Variants in POM121 observed in about 807,000 individuals in gnomAD.
POM121 encodes POM121 transmembrane nucleoporin.
Under a neutral mutation model 81.3 loss-of-function variants are expected in POM121, and 32 were observed. The ratio of observed to expected loss-of-function variants is 0.39; its 90% CI spans 0.30 to 0.53. POM121 has a LOEUF of 0.53. POM121 is among the 20% of genes least tolerant of loss of function. The pLI is 0.66. For missense variants in POM121, 1,138 were observed against 1,614.6 expected (o/e 0.70, Z 5.06); for synonymous variants, 514 against 694.2 (o/e 0.74, Z 4.08).
chr7:72,906,817 G>T (rs1793286917), intron 3 of POM121, among the ~76,000 whole-genome samples: 1 of 150,726 alleles, frequency 6.6e-6, no homozygotes, highest in South Asian at 2.1e-4. Context: ...TTGTAGAGAT[G>T]GGGTCTCACT....
At chr7:72,890,231 C>G (rs1287934872) in intron 1 of POM121, among the ~76,000 whole-genome samples, 1 of 152,216 alleles carries the variant, frequency 6.6e-6, no homozygotes, top group African/African-American at 2.4e-5. Context: ...GTGGTGGGCA[C>G]TCCAACATGA....
chr7:72,926,543 C>T, intron 2 of POM121, 66 bp downstream of exon 2: 3 of 1,602,408 alleles, frequency 1.9e-6, no homozygotes, highest in South Asian at 2.2e-5. Flanking sequence ...CCAGTTGTTC[C>T]TATGACATGA....
chr7:72,912,988 C>T (rs1164781412), intron 3 of POM121, among the ~76,000 whole-genome samples: 2 of 152,142 alleles, frequency 1.3e-5, no homozygotes, highest in Non-Finnish European at 2.9e-5. Flanking sequence ...ATCATCAGGT[C>T]CCTACTTAAC....
chr7:72,934,097 TC>T (rs567167560), intron 5 of POM121, among the ~76,000 whole-genome samples: 1,523 of 152,226 alleles, frequency 0.01, 14 homozygotes, highest in African/African-American at 0.035. Flanking sequence ...TTTTTTTCTT[TC>T]TTTTGAGACA....
chr7:72,887,864 A>G (rs77165996), intron 1 of POM121, among the ~76,000 whole-genome samples: 12,674 of 151,814 alleles, frequency 0.083, 793 homozygotes, highest in East Asian at 0.16. Flanking sequence ...AAAAAAACAA[A>G]TCATTGCTTC....
At chr7:72,911,138 C>T (rs1172387382) in intron 3 of POM121, among the ~76,000 whole-genome samples, 1 of 152,180 alleles carries the variant, frequency 6.6e-6, no homozygotes, top group Non-Finnish European at 1.5e-5. Context: ...CGCTCGCCAC[C>T]ACGCCCAGCT....
rs1173393607 is a variant in POM121 at position 72,946,055 on chromosome 7, C to T, written c.3653-82C>T. On this transcript the variant is annotated intron_variant, in intron 12 of 12. Coordinates refer to ENST00000434423, the MANE Select transcript of POM121 (RefSeq NM_001387691.1). ...AGGCACCCTGTGTTTTATTACTGGC[C>T]TGGCCTTCCAGAGATTTGGGCACCC... is the stretch of plus-strand genomic sequence containing the variant. The T allele has an allele frequency of 7.1e-6, 11 of 1,559,060 alleles. No individual in the cohort carries two copies. In the African/African-American group the frequency reaches 1.1e-4, roughly 16 times the overall value.
chr7:72,941,341 A>G (rs1264896770), intron 10 of POM121, among the ~76,000 whole-genome samples: 22 of 151,574 alleles, frequency 1.5e-4, no homozygotes, highest in African/African-American at 5.3e-4. Context: ...CTGGTCCAGA[A>G]CAGCACTGCT....
At chr7:72,900,597 T>C (rs1424138956) in intron 3 of POM121, among the ~76,000 whole-genome samples, 7 of 152,028 alleles carry the variant, frequency 4.6e-5, no homozygotes, top group African/African-American at 1.7e-4. Context: ...CTCCACCTCC[T>C]GGGTTCAAGC....
chr7:72,945,454 G>A (rs1383021118), intron 11 of POM121, 132 bp from the exon 12 acceptor site: 1 of 874,062 alleles, frequency 1.1e-6, no homozygotes, highest in Non-Finnish European at 1.7e-6. Context: ...TGCTGATGGA[G>A]GAGTGCCCCA....
At chr7:72,897,039 C>G (rs1287130776) in intron 3 of POM121, among the ~76,000 whole-genome samples, 1 of 152,120 alleles carries the variant, frequency 6.6e-6, no homozygotes, top group African/African-American at 2.4e-5. Flanking sequence ...CCCATCTCTA[C>G]TAAAAATACA....
In POM121 at chr7:72,945,601, C is replaced by T; in HGVS notation, c.3545C>T (p.Thr1182Ile). Reference sequence around the variant, plus strand: ...TTCATTCCAGGCACCGCCACCCCCACCTTTGGTCTGAACACCCCTGCGCCT... The same window carrying T: ...TTCATTCCAGGCACCGCCACCCCCATCTTTGGTCTGAACACCCCTGCGCCT... The part of the protein sequence containing the change: ...KPVFGGTATP[T>I]FGLNTPAPGV... The change falls in exon 12 of 13, where the codon ACC becomes ATC. Residue 1182 changes from threonine to isoleucine, a missense_variant. Physicochemically the swap from Thr to Ile is moderately conservative, Grantham distance 89. This residue lies in a region of POM121 where 336 missense variants were observed against 344.3 expected (regional missense o/e 0.98). Transcript: ENST00000434423. The T allele has an allele frequency of 6.2e-7, 1 of 1,613,554 alleles. No homozygotes were observed. The highest frequency in any genetic ancestry group is 8.5e-7 in the Non-Finnish European group (1 of 1,179,726).
At position 72,938,726 on chromosome 7, in the gene POM121, CG is replaced by C. The variant is rs782075505; in HGVS notation, c.1367+50del. ...AGTTTTCATTTGCTGCGTGGACAGG[CG>C]GGGGTGAGGAAAGGTGGGAAACGAA... On this transcript the variant is annotated intron_variant, in intron 6 of 12. Coordinates refer to ENST00000434423, the MANE Select transcript of POM121 (RefSeq NM_001387691.1). The C allele has an allele frequency of 1.9e-6, 3 of 1,596,700 alleles. No individual in the cohort carries two copies. The East Asian group carries it at 6.7e-5, about 36-fold the overall frequency.
At position 72,891,446 on chromosome 7, in the gene POM121, A is replaced by C. The variant is rs1791288029; in HGVS notation, c.-216+336A>C. On this transcript the variant is annotated intron_variant, in intron 3 of 15. Transcript: ENST00000395270. ...TTTGGAGACGGAGTCTTGTTCTGTC[A>C]CCCAGGCTGGTGTGCACTGGTATGA... is the stretch of plus-strand genomic sequence containing the variant. Among the ~76,000 whole-genome samples the C allele has an allele frequency of 2.0e-5, 3 of 152,106 alleles. 1 individual carries two copies. Among genetic ancestry groups the C allele is most frequent in the South Asian group, 4.2e-4 (2 of 4,812 alleles).
chr7:72,930,206 G>C (rs1554498360), intron 5 of POM121, 95 bp downstream of exon 5: 3 of 1,446,184 alleles, frequency 2.1e-6, no homozygotes, highest in Non-Finnish European at 2.8e-6. Context: ...TGTAATCCCA[G>C]CACTTTGGAA....
At position 72,928,450 on chromosome 7, in the gene POM121, C is replaced by T. The variant is rs782647177; in HGVS notation, c.1088C>T (p.Ala363Val). 6.2e-7 allele frequency: 1 copy of T among 1,614,212 alleles called. No homozygotes were observed. Among genetic ancestry groups the T allele is most frequent in the Non-Finnish European group, 8.5e-7 (1 of 1,180,008 alleles). Reference sequence around the variant, plus strand: ...CCCCTGGTGGCCAATGGAGTCCCCGCTTCTTTTGTGCCTAAGTAAGTGGGA... The same window carrying T: ...CCCCTGGTGGCCAATGGAGTCCCCGTTTCTTTTGTGCCTAAGTAAGTGGGA... Reference protein sequence around the residue: ...FEPLVANGVPASFVPKPGSLK... With the variant: ...FEPLVANGVPVSFVPKPGSLK... The change falls in exon 4 of 13, where the codon GCT (alanine) becomes GTT (valine). Residue 363 changes from alanine (A) to valine (V), a missense_variant. Transcript: ENST00000434423.
intron 3 of POM121, among the ~76,000 whole-genome samples, chr7:72,894,626 G>GAGAGAGAGAGAGAAA (rs1365638069): frequency 4.3e-5 from 1 of 23,324 alleles, no homozygotes; most frequent in African/African-American, 1.1e-4. Context: ...GAGAGAGAGA[G>GAGAGAGAGAGAGAAA]GAGAGAGAGA....
In POM121 at chr7:72,948,291, T is replaced by G. The variant is rs1554503777; in HGVS notation, c.*2057T>G. Reference sequence around the variant, plus strand: ...TGACATTAAGAATAAAAAACTGTGATCTATCGTAGAGTACGTTCTGCATTT... The same window carrying G: ...TGACATTAAGAATAAAAAACTGTGAGCTATCGTAGAGTACGTTCTGCATTT... On this transcript the variant is annotated 3_prime_UTR_variant, in exon 13 of 13. Coordinates refer to ENST00000434423, the MANE Select transcript of POM121 (RefSeq NM_001387691.1). The G allele has an allele frequency of 6.5e-7, 1 of 1,533,636 alleles. No individual in the cohort carries two copies. The highest frequency in any genetic ancestry group is 8.8e-7 in the Non-Finnish European group (1 of 1,141,020).
chr7:72,906,249 T>G (rs1334520134), intron 3 of POM121, among the ~76,000 whole-genome samples: 2 of 152,210 alleles, frequency 1.3e-5, no homozygotes, highest in Non-Finnish European at 2.9e-5. Flanking sequence ...AAGCCACTGT[T>G]GCTGAGAGGG....
Sources: allele counts gnomAD v4.1 joint callset (sites outside exome capture counted in the v4.1 genomes callset), GRCh38; gene constraint gnomAD v4.1.1; regional missense constraint gnomAD v4.1.1; transcripts MANE v1.5; gene names NCBI Gene and HGNC (gene_info 2026-07-23, HGNC 2026-07-21).